BRINP1: variants seen among roughly 807,000 people sequenced by gnomAD.
The protein encoded by BRINP1 is BMP/retinoic acid-inducible neural-specific protein 1.
Under a neutral mutation model 72.9 loss-of-function variants are expected in BRINP1, and 17 were observed. That is an observed-to-expected ratio of 0.23 (90% CI 0.16 to 0.35). BRINP1 has a LOEUF of 0.35. Among genes scored for constraint, BRINP1 ranks in the 10% least tolerant of loss-of-function variants. The pLI, the probability that BRINP1 is intolerant of heterozygous loss-of-function variation, is 1.00. For synonymous variants in BRINP1, 418 were observed against 378.5 expected (o/e 1.10, Z -1.21); for missense variants, 850 against 1,001.6 (o/e 0.85, Z 2.04).
intron 5 of BRINP1, among the ~76,000 whole-genome samples, chr9:119,219,681 GA>G (rs1432837291): frequency 6.9e-6 from 1 of 144,524 alleles, no homozygotes; most frequent in African/African-American, 2.8e-5. Flanking sequence ...GAGAGAGAGA[GA>G]GAGAGAGAGA....
intron 1 of BRINP1, among the ~76,000 whole-genome samples, chr9:119,365,691 T>C (rs1831683570): frequency 6.6e-6 from 1 of 152,114 alleles, no homozygotes; most frequent in Non-Finnish European, 1.5e-5. Flanking sequence ...AATTCGAACC[T>C]ATCAGGGGAG....
Position 119,303,052 on chromosome 9 carries a change from GGGAGACTTATTTC to G in BRINP1, c.218+10073_218+10085del, listed in dbSNP as rs566526789. 1.2e-3 allele frequency among the ~76,000 whole-genome samples: 186 copies of G among 152,086 alleles called. 1 individual carries two copies. In the Middle Eastern group the frequency reaches 0.014, roughly 11 times the overall value. On this transcript the variant is annotated intron_variant, in intron 2 of 7. Coordinates refer to ENST00000265922, the MANE Select transcript of BRINP1 (RefSeq NM_014618.3). ...TTTTATCTCAAACTGTTTACCAGCAGGGAGACTTATTTCTTTCATATCATTTGTATTTACCTAC... is the reference window on the plus strand; with the variant it reads ...TTTTATCTCAAACTGTTTACCAGCAGTTTCATATCATTTGTATTTACCTAC...
intron 7 of BRINP1, among the ~76,000 whole-genome samples, chr9:119,200,606 A>G (rs1046936912): frequency 6.8e-6 from 1 of 147,272 alleles, no homozygotes; most frequent in African/African-American, 2.5e-5. Context: ...CCTGGGTGAC[A>G]GGGCAGGACT....
At chr9:119,315,433 T>C (rs961278575) in intron 1 of BRINP1, among the ~76,000 whole-genome samples, 8 of 152,156 alleles carry the variant, frequency 5.3e-5, no homozygotes, top group African/African-American at 1.9e-4. Flanking sequence ...CCATATAAGA[T>C]GGCAAACTTT....
chr9:119,270,077 C>T (rs1000469899), intron 2 of BRINP1, among the ~76,000 whole-genome samples: 2 of 151,798 alleles, frequency 1.3e-5, no homozygotes, highest in African/African-American at 4.8e-5. Context: ...TGAGTAAACA[C>T]CTGGAGGAGG....
chr9:119,269,222 A>G (rs1312820764), intron 2 of BRINP1, among the ~76,000 whole-genome samples: 1 of 152,096 alleles, frequency 6.6e-6, no homozygotes, highest in African/African-American at 2.4e-5. Context: ...CATGACCCTA[A>G]ATCACTATTA....
chr9:119,276,490 C>T (rs899469116), intron 2 of BRINP1, among the ~76,000 whole-genome samples: 1 of 152,150 alleles, frequency 6.6e-6, no homozygotes, highest in Admixed American at 6.5e-5. Flanking sequence ...GAACCTTTAA[C>T]ATCAATACAA....
intron 2 of BRINP1, among the ~76,000 whole-genome samples, chr9:119,265,181 C>T (rs1193912955): frequency 6.6e-6 from 1 of 152,184 alleles, no homozygotes; most frequent in Non-Finnish European, 1.5e-5. Flanking sequence ...AAGTATGTAT[C>T]ACCCCGAACT....
At chr9:119,285,557 C>T (rs1356972342) in intron 2 of BRINP1, among the ~76,000 whole-genome samples, 1 of 152,188 alleles carries the variant, frequency 6.6e-6, no homozygotes, top group Non-Finnish European at 1.5e-5. Flanking sequence ...GCATTTCTGA[C>T]TCCAGAGCCC....
chr9:119,315,330 CTT>C (rs1207205682), intron 1 of BRINP1, among the ~76,000 whole-genome samples: 5 of 151,970 alleles, frequency 3.3e-5, no homozygotes, highest in Non-Finnish European at 7.4e-5. Context: ...ATATTTCACA[CTT>C]TTTTATTATT....
intron 2 of BRINP1, among the ~76,000 whole-genome samples, chr9:119,292,856 G>A (rs1830836032): frequency 1.3e-5 from 2 of 152,168 alleles, no homozygotes; most frequent in African/African-American, 4.8e-5. Context: ...CTAGATGAAA[G>A]ATCAGATGTT....
intron 2 of BRINP1, among the ~76,000 whole-genome samples, chr9:119,264,448 G>T (rs891872718): frequency 1.1e-4 from 17 of 152,176 alleles, no homozygotes; most frequent in African/African-American, 4.1e-4. Flanking sequence ...TTTTTGGGAA[G>T]CAGTCAATGA....
intron 1 of BRINP1, among the ~76,000 whole-genome samples, chr9:119,323,618 A>G (rs906923955): frequency 2.6e-5 from 4 of 152,116 alleles, no homozygotes; most frequent in Admixed American, 6.5e-5. Context: ...CTCCAAAAAC[A>G]CCCCCAAAGA....
chr9:119,336,492 G>A (rs1302336313), intron 1 of BRINP1, among the ~76,000 whole-genome samples: 1 of 152,132 alleles, frequency 6.6e-6, no homozygotes, highest in Non-Finnish European at 1.5e-5. Flanking sequence ...AGAAACATTT[G>A]GACCTTTGGG....
intron 1 of BRINP1, among the ~76,000 whole-genome samples, chr9:119,331,132 A>G (rs973961283): frequency 1.3e-5 from 2 of 152,192 alleles, no homozygotes; most frequent in Non-Finnish European, 2.9e-5. Context: ...TAGTTTCAGG[A>G]TCAGTCCATG....
At chr9:119,258,013 A>C (rs535242298) in intron 2 of BRINP1, among the ~76,000 whole-genome samples, 2 of 152,158 alleles carry the variant, frequency 1.3e-5, no homozygotes, top group African/African-American at 4.8e-5. Flanking sequence ...AAAAAGAACT[A>C]TCTCTGAAAA....
chr9:119,167,495 T>C lies in BRINP1; in HGVS notation c.1875A>G (p.Leu625=). 1 of 1,614,104 alleles carries C rather than the reference T, an allele frequency of 6.2e-7. No individual in the cohort carries two copies. The highest frequency in any genetic ancestry group is 1.1e-5 in the South Asian group (1 of 91,070). The change falls in exon 8 of 8, where the codon CTA becomes CTG. Residue 625 remains leucine, a synonymous_variant. Coordinates refer to ENST00000265922, the MANE Select transcript of BRINP1 (RefSeq NM_014618.3). This position sits in a 1 kb window ranked among gnomAD's most constrained non-coding sequence, Gnocchi z 4.3. ...VHIYLRSRTR[L]PTLLRNETGQ... Reference sequence around the variant, plus strand: ...CAGTCTCATTTCGCAGTAGGGTAGGTAGCCGAGTCCGACTACGTAGGTAGA... The same window carrying C: ...CAGTCTCATTTCGCAGTAGGGTAGGCAGCCGAGTCCGACTACGTAGGTAGA...
chr9:119,295,421 C>T (rs769402976), intron 2 of BRINP1, among the ~76,000 whole-genome samples: 2 of 152,272 alleles, frequency 1.3e-5, no homozygotes, highest in Admixed American at 1.3e-4. Context: ...CACCTAGGCT[C>T]TATAGCATAG....
chr9:119,301,619 G>A (rs1830940039), intron 2 of BRINP1, among the ~76,000 whole-genome samples: 1 of 152,146 alleles, frequency 6.6e-6, no homozygotes, highest in South Asian at 2.1e-4. Context: ...GTGGTTACAT[G>A]AATCCACACA....
Sources: gnomAD v4.1 joint callset for allele counts (sites outside exome capture counted in the v4.1 genomes callset) on GRCh38, gnomAD v4.1.1 for gene constraint, Gnocchi (gnomAD v3.1) non-coding constraint, MANE v1.5 for transcripts, NCBI Gene and HGNC (gene_info 2026-07-23, HGNC 2026-07-21) for gene names.